Variants in LCLAT1 observed in about 807,000 individuals in gnomAD.
The protein encoded by LCLAT1 is lysocardiolipin acyltransferase 1.
A neutral mutation model predicts 30.7 loss-of-function variants in LCLAT1; 11 were observed. That is an observed-to-expected ratio of 0.36 (90% CI 0.23 to 0.59). LCLAT1 has a LOEUF of 0.59. Ranked by LOEUF, LCLAT1 falls within the 20% of genes least tolerant of loss-of-function variation. LCLAT1 has a pLI of 0.77. For synonymous variants in LCLAT1, 155 were observed against 151.3 expected, an observed-to-expected ratio of 1.02 and a Z score of -0.18; for missense variants, 402 against 458.6, an observed-to-expected ratio of 0.88 and a Z score of 1.13.
intron 5 of LCLAT1, among the ~76,000 whole-genome samples, chr2:30,633,540 G>T (rs1384946570): frequency 6.6e-6 from 1 of 152,064 alleles, no homozygotes; most frequent in African/African-American, 2.4e-5. Flanking sequence ...ACAAAAATTA[G>T]CTGGGCGTGG....
intron 1 of LCLAT1, among the ~76,000 whole-genome samples, chr2:30,501,881 A>T (rs929683051): frequency 9.9e-5 from 15 of 152,202 alleles, no homozygotes; most frequent in African/African-American, 3.4e-4. Flanking sequence ...CCAGTTTAAC[A>T]TTGTATAATT....
chr2:30,609,439 G>A (rs942474154), intron 5 of LCLAT1, among the ~76,000 whole-genome samples: 2 of 152,032 alleles, frequency 1.3e-5, no homozygotes, highest in African/African-American at 4.8e-5. Flanking sequence ...TTCTCCAACA[G>A]TGTGTACTTA....
chr2:30,558,880 C>A (rs1558519176), intron 3 of LCLAT1, among the ~76,000 whole-genome samples: 1 of 152,080 alleles, frequency 6.6e-6, no homozygotes. Context: ...AATGGGTGCT[C>A]AGGTTTAACG....
At chr2:30,626,151 T>C (rs1216361694) in intron 5 of LCLAT1, among the ~76,000 whole-genome samples, 4 of 152,176 alleles carry the variant, frequency 2.6e-5, no homozygotes, top group Admixed American at 6.5e-5. Context: ...ATAGAAACTA[T>C]AATAATATGC....
Position 30,640,404 on chromosome 2 carries a change from G to C in LCLAT1, c.916G>C (p.Val306Leu). The change falls in exon 6 of 6, where the codon GTG becomes CTG. Residue 306 changes from valine (V) to leucine (L), a missense_variant. Val to Leu is a conservative substitution (Grantham distance 32, BLOSUM62 1). Coordinates refer to ENST00000379509, the MANE Select transcript of LCLAT1 (RefSeq NM_001002257.3). ...TTGCAAGTCTGAACTCAGGGTCCTT[G>C]TGGTCAAATTGCTCTCTATACTGTA... ...PPCKSELRVL[V>L]VKLLSILYWT... The C allele has an allele frequency of 3.1e-6, 5 of 1,614,192 alleles. No homozygotes were observed. Among genetic ancestry groups the C allele is most frequent in the Non-Finnish European group, 4.2e-6 (5 of 1,180,022 alleles).
chr2:30,642,010 G>A lies in LCLAT1; in HGVS notation c.*1391G>A, dbSNP rs1222805638. 6.6e-6 allele frequency: 1 copy of A among 150,694 alleles called. No individual in the cohort carries two copies. The highest frequency in any genetic ancestry group is 2.5e-5 in the African/African-American group (1 of 40,764). 9.3% of individuals were successfully genotyped at this position (150,694 alleles called of 1,614,324 possible). A position where few individuals can be genotyped will look rare whatever the true frequency, so the allele number is the denominator to read the frequency against. ...TAGCAAACCTGTTAGTTTTACTTCT[G>A]CATTGAACCAGCCTCAGAAGCTACT... On this transcript the variant is annotated 3_prime_UTR_variant, in exon 6 of 6. Coordinates refer to ENST00000379509, the MANE Select transcript of LCLAT1 (RefSeq NM_001002257.3).
chr2:30,447,934 T>A (rs1572453112), intron 1 of LCLAT1, among the ~76,000 whole-genome samples: 1 of 152,222 alleles, frequency 6.6e-6, no homozygotes, highest in Non-Finnish European at 1.5e-5. Context: ...AGAGTGGCAG[T>A]GCCGCGAAAA....
intron 5 of LCLAT1, among the ~76,000 whole-genome samples, chr2:30,583,076 GTTTTTA>G (rs1218905696): frequency 6.6e-6 from 1 of 152,144 alleles, no homozygotes; most frequent in East Asian, 1.9e-4. Flanking sequence ...TATTTAAAGT[GTTTTTA>G]TTTAAAGTGT....
At chr2:30,595,302 C>T (rs1305790322) in intron 5 of LCLAT1, among the ~76,000 whole-genome samples, 1 of 151,994 alleles carries the variant, frequency 6.6e-6, no homozygotes, top group East Asian at 1.9e-4. Flanking sequence ...TTAGGTCTGC[C>T]CTCTTTTTGA....
At chr2:30,482,569 G>A (rs926564006) in intron 1 of LCLAT1, among the ~76,000 whole-genome samples, 3 of 152,094 alleles carry the variant, frequency 2.0e-5, no homozygotes, top group Non-Finnish European at 2.9e-5. Context: ...CTTATATGCC[G>A]TGACAGCTCA....
chr2:30,471,059 C>T (rs1572489074), intron 1 of LCLAT1, among the ~76,000 whole-genome samples: 1 of 147,678 alleles, frequency 6.8e-6, no homozygotes, highest in East Asian at 2.0e-4. Flanking sequence ...ATTACAGGCG[C>T]CCACCACCAC....
rs116468739 is a variant in LCLAT1, at chr2:30,489,687, G to C, written c.-4-35900G>C. On this transcript the variant is annotated intron_variant, in intron 1 of 5. Coordinates refer to ENST00000379509, the MANE Select transcript of LCLAT1 (RefSeq NM_001002257.3). ...TACTACATAGGCAAGATAAGGTGGG[G>C]AAAGAGCCTATTCTGTCCCATCTGG... is the stretch of plus-strand genomic sequence containing the variant. 6.7e-3 allele frequency among the ~76,000 whole-genome samples: 1,018 copies of C among 152,318 alleles called. 10 individuals carry two copies. Among genetic ancestry groups the C allele is most frequent in the African/African-American group, 0.023 (967 of 41,572 alleles).
chr2:30,575,349 C>A (rs1258005771), intron 5 of LCLAT1, among the ~76,000 whole-genome samples: 1 of 151,784 alleles, frequency 6.6e-6, no homozygotes, highest in Non-Finnish European at 1.5e-5. Flanking sequence ...GGTCCTAATA[C>A]CATGCCAGGA....
At chr2:30,635,464 T>C (rs1668977998) in intron 5 of LCLAT1, among the ~76,000 whole-genome samples, 1 of 152,160 alleles carries the variant, frequency 6.6e-6, no homozygotes, top group Admixed American at 6.5e-5. Context: ...TTCATCACTT[T>C]GTCTTTTTTA....
In LCLAT1 at chr2:30,568,509, T is replaced by C. The variant is rs545420852; in HGVS notation, c.628+333T>C. 1.6e-4 allele frequency among the ~76,000 whole-genome samples: 23 copies of C among 143,400 alleles called. No homozygotes were observed. In the East Asian group the frequency reaches 2.4e-3, roughly 15 times the overall value. 94.1% of individuals were successfully genotyped at this position (143,400 alleles called of 152,430 possible). A position where few individuals can be genotyped will look rare whatever the true frequency, so the allele number is the denominator to read the frequency against. On this transcript the variant is annotated intron_variant, in intron 5 of 5. Coordinates refer to ENST00000379509, the MANE Select transcript of LCLAT1 (RefSeq NM_001002257.3). ...GTGGCAAAAATGTCTTTCTTTCTTT[T>C]TTTTTTTTTTTTTTTTGAGATGGAG...
chr2:30,456,972 A>C (rs1427067691), intron 1 of LCLAT1, among the ~76,000 whole-genome samples: 1 of 152,216 alleles, frequency 6.6e-6, no homozygotes, highest in Non-Finnish European at 1.5e-5. Context: ...CCAGTAAGAC[A>C]CTGAAGGAAG....
intron 1 of LCLAT1, among the ~76,000 whole-genome samples, chr2:30,475,886 T>C (rs902073328): frequency 1.3e-5 from 2 of 152,232 alleles, no homozygotes; most frequent in African/African-American, 4.8e-5. Flanking sequence ...TCTCTCTCTA[T>C]AAGTGTTCAA....
chr2:30,482,585 A>G (rs1409476379), intron 1 of LCLAT1, among the ~76,000 whole-genome samples: 1 of 152,146 alleles, frequency 6.6e-6, no homozygotes, highest in African/African-American at 2.4e-5. Context: ...GCTCATTCAT[A>G]TATTCTTTTG....
At chr2:30,488,484 A>G (rs1334945156) in intron 1 of LCLAT1, among the ~76,000 whole-genome samples, 1 of 152,250 alleles carries the variant, frequency 6.6e-6, no homozygotes, top group African/African-American at 2.4e-5. Context: ...GCCTGATGGC[A>G]CTGACCTTGG....
Sources: allele counts gnomAD v4.1 joint callset (sites outside exome capture counted in the v4.1 genomes callset), GRCh38; gene constraint gnomAD v4.1.1; transcripts MANE v1.5; gene names NCBI Gene and HGNC (gene_info 2026-07-23, HGNC 2026-07-21).